The following ADGRV1 variants were observed in gnomAD, a reference collection of about 807,000 sequenced individuals.
ADGRV1 encodes G-protein coupled receptor 98.
Under a neutral mutation model 596.2 loss-of-function variants are expected in ADGRV1, and 359 were observed. The observed-to-expected ratio is 0.60, with a 90% confidence interval of 0.55 to 0.66. The LOEUF (loss-of-function observed/expected upper bound fraction) is 0.66. ADGRV1 is among the 30% of genes least tolerant of loss of function. The pLI is 0.00. For missense variants in ADGRV1, 7,274 were observed against 7,575.6 expected, an observed-to-expected ratio of 0.96 and a Z score of 1.48; for synonymous variants, 2,681 against 2,679.2, an observed-to-expected ratio of 1.00 and a Z score of -0.02.
chr5:91,063,062 G>A (rs1460847698), intron 85 of ADGRV1, among the ~76,000 whole-genome samples: 1 of 146,704 alleles, frequency 6.8e-6, no homozygotes, highest in Admixed American at 7.1e-5. Flanking sequence ...GGGCTCAAGC[G>A]ATCCTCCCAC....
intron 34 of ADGRV1, among the ~76,000 whole-genome samples, chr5:90,701,048 T>C (rs1435915991): frequency 6.6e-6 from 1 of 152,120 alleles, no homozygotes; most frequent in East Asian, 1.9e-4. Flanking sequence ...CTAGACACCA[T>C]GTAACAGATC....
intron 4 of ADGRV1, among the ~76,000 whole-genome samples, chr5:90,622,143 A>G (rs1009171975): frequency 6.6e-6 from 1 of 152,172 alleles, no homozygotes; most frequent in Non-Finnish European, 1.5e-5. Flanking sequence ...CCTGAAAGTT[A>G]TTAGCAGTGT....
intron 86 of ADGRV1, among the ~76,000 whole-genome samples, chr5:91,082,139 T>C (rs1789441281): frequency 6.6e-6 from 1 of 152,264 alleles, no homozygotes; most frequent in South Asian, 2.1e-4. Context: ...GCACACTCTT[T>C]AACCCTTAAT....
chr5:90,920,595 C>G (rs940547970), intron 83 of ADGRV1, among the ~76,000 whole-genome samples: 2 of 152,114 alleles, frequency 1.3e-5, no homozygotes, highest in Non-Finnish European at 2.9e-5. Context: ...CTATAATAAA[C>G]TAACCCAATC....
At position 90,628,562 on chromosome 5, in the gene ADGRV1, A is replaced by G. The variant is rs770581166; in HGVS notation, c.1239A>G (p.Arg413=). ...TVIIDEDRIS[R]YEEITVVRNG... is the part of the protein sequence containing the mutation. The stretch of plus-strand genomic sequence containing the variant: ...ATGTATTTCTTTTAAAACATTTAAG[A>G]TATGAAGAAATCACAGTGGTTAGAA... Residue 413 remains arginine (R), a splice_region_variant and synonymous_variant, in exon 8 of 90, where the codon AGA becomes AGG. Coordinates refer to ENST00000405460, the MANE Select transcript of ADGRV1 (RefSeq NM_032119.4). 35 of 1,612,358 alleles carry G rather than the reference A, an allele frequency of 2.2e-5. No individual in the cohort carries two copies. The highest frequency in any genetic ancestry group is 3.0e-5 in the Non-Finnish European group (35 of 1,178,612).
At chr5:90,724,806 A>T in intron 45 of ADGRV1, 26 bp from the exon 46 acceptor site, 1 of 1,607,958 alleles carries the variant, frequency 6.2e-7, no homozygotes, top group Non-Finnish European at 8.5e-7. Context: ...GTAATAAACT[A>T]GTAAACCATG....
intron 86 of ADGRV1, among the ~76,000 whole-genome samples, chr5:91,080,708 C>T (rs1375921337): frequency 4.0e-5 from 6 of 151,882 alleles, no homozygotes; most frequent in African/African-American, 1.5e-4. Context: ...CCAAAACATC[C>T]CTAGTTTTCC....
At chr5:90,788,013 T>A in intron 67 of ADGRV1, 58 bp from the exon 68 acceptor site, 1 of 1,332,332 alleles carries the variant, frequency 7.5e-7, no homozygotes, top group Non-Finnish European at 9.9e-7. Flanking sequence ...CCTGAAATAG[T>A]TTTTTGCTTA....
chr5:91,132,059 C>T (rs1794263688), intron 87 of ADGRV1, among the ~76,000 whole-genome samples: 1 of 152,016 alleles, frequency 6.6e-6, no homozygotes, highest in Non-Finnish European at 1.5e-5. Context: ...GATATGCTTC[C>T]CCATTGTTTA....
intron 1 of ADGRV1, among the ~76,000 whole-genome samples, chr5:90,605,035 G>A (rs937892778): frequency 6.6e-6 from 1 of 152,194 alleles, no homozygotes; most frequent in African/African-American, 2.4e-5. Flanking sequence ...AATGGCTTTT[G>A]TGATCTGTTT....
At chr5:91,087,571 G>A (rs770855743) in intron 86 of ADGRV1, among the ~76,000 whole-genome samples, 4 of 152,076 alleles carry the variant, frequency 2.6e-5, no homozygotes, top group Admixed American at 1.3e-4. Context: ...CGAAGTGAAT[G>A]TATATAATCA....
At chr5:90,771,108 T>C (rs190903945) in intron 59 of ADGRV1, among the ~76,000 whole-genome samples, 1 of 152,178 alleles carries the variant, frequency 6.6e-6, no homozygotes, top group Non-Finnish European at 1.5e-5. Context: ...ATTTTTTATA[T>C]CTTTCTGGGA....
intron 85 of ADGRV1, among the ~76,000 whole-genome samples, chr5:91,007,810 G>A (rs915304726): frequency 1.2e-4 from 19 of 152,122 alleles, no homozygotes; most frequent in Non-Finnish European, 1.9e-4. Context: ...TTACCCATTC[G>A]TTCTTTGCCA....
intron 83 of ADGRV1, among the ~76,000 whole-genome samples, chr5:90,879,433 G>C (rs1294182267): frequency 1.3e-5 from 2 of 152,110 alleles, no homozygotes; most frequent in Non-Finnish European, 2.9e-5. Flanking sequence ...TGTTATGGAA[G>C]TAAAACAGTT....
intron 55 of ADGRV1, among the ~76,000 whole-genome samples, chr5:90,755,769 A>G (rs929534789): frequency 2.0e-5 from 3 of 149,342 alleles, no homozygotes; most frequent in African/African-American, 7.3e-5. Flanking sequence ...ATTATAAAAT[A>G]ATAACAAAAT....
chr5:91,039,091 A>T (rs1785130320), intron 85 of ADGRV1, among the ~76,000 whole-genome samples: 1 of 152,200 alleles, frequency 6.6e-6, no homozygotes, highest in African/African-American at 2.4e-5. Context: ...TGCTTCCAAT[A>T]TATAAGTTAT....
rs188001471 is a variant in ADGRV1, at chr5:91,038,111, T to C, written c.18153-34336T>C. Among the ~76,000 whole-genome samples, 542 of 152,236 alleles carry C rather than the reference T, an allele frequency of 3.6e-3. 3 individuals carry two copies. Among genetic ancestry groups the C allele is most frequent in the Non-Finnish European group, 6.1e-3 (413 of 67,998 alleles). Reference sequence around the variant, plus strand: ...CTAAAACATTTTGGGTCCCAAGCATTTCAGATACTTCACCTGTGGTAGGAA... The same window carrying C: ...CTAAAACATTTTGGGTCCCAAGCATCTCAGATACTTCACCTGTGGTAGGAA... On this transcript the variant is annotated intron_variant, in intron 85 of 89. Coordinates refer to ENST00000405460, the MANE Select transcript of ADGRV1 (RefSeq NM_032119.4).
At chr5:90,894,849 G>C (rs1328159788) in intron 83 of ADGRV1, among the ~76,000 whole-genome samples, 1 of 152,120 alleles carries the variant, frequency 6.6e-6, no homozygotes, top group African/African-American at 2.4e-5. Context: ...CCTAAGTCTG[G>C]TCCTTAAGTC....
At chr5:91,042,975 G>A (rs868106657) in intron 85 of ADGRV1, among the ~76,000 whole-genome samples, 1 of 151,930 alleles carries the variant, frequency 6.6e-6, no homozygotes, top group Non-Finnish European at 1.5e-5. Flanking sequence ...TATATTTCGA[G>A]CCAGTAGTAA....
Sources: gnomAD v4.1 joint callset for allele counts (sites outside exome capture counted in the v4.1 genomes callset) on GRCh38, gnomAD v4.1.1 for gene constraint, MANE v1.5 for transcripts, NCBI Gene and HGNC (gene_info 2026-07-23, HGNC 2026-07-21) for gene names.